The following SLC8A1 variants were observed in gnomAD, a reference collection of about 807,000 sequenced individuals.
The protein encoded by SLC8A1 is solute carrier family 8 member A1.
A neutral mutation model predicts 68.3 loss-of-function variants in SLC8A1; 18 were observed. The observed-to-expected ratio is 0.26, with a 90% CI of 0.18 to 0.39. The LOEUF (loss-of-function observed/expected upper bound fraction) is 0.39, where lower values mean the gene tolerates loss of function less well. SLC8A1 is among the 10% of genes least tolerant of loss of function. The pLI is 1.00. For missense variants in SLC8A1, 985 were observed against 1,156.7 expected (o/e 0.85, Z 2.15); for synonymous variants, 475 against 415.5 (o/e 1.14, Z -1.74).
At chr2:40,165,318 T>A (rs1443506529) in intron 4 of SLC8A1, among the ~76,000 whole-genome samples, 1 of 152,202 alleles carries the variant, frequency 6.6e-6, no homozygotes, top group Admixed American at 6.5e-5. Context: ...CCTGTGACGC[T>A]GGCTCAGTTG....
chr2:40,121,641 A>C (rs2036844046), intron 7 of SLC8A1, among the ~76,000 whole-genome samples: 1 of 152,144 alleles, frequency 6.6e-6, no homozygotes, highest in Non-Finnish European at 1.5e-5. Flanking sequence ...CCTACTTCAT[A>C]GGGTTTTGAA....
At chr2:40,409,456 T>G (rs1576236903) in intron 2 of SLC8A1, among the ~76,000 whole-genome samples, 1 of 152,130 alleles carries the variant, frequency 6.6e-6, no homozygotes, top group East Asian at 1.9e-4. Flanking sequence ...AGAAATAAAT[T>G]TGAACCCCCA....
In SLC8A1 at chr2:40,439,428, G is replaced by A. The variant is rs1039160533; in HGVS notation, c.-24-9124C>T. Reference sequence around the variant, plus strand: ...GCTCTTCAAATGACAAGTTCTTTAGGGGGCAGCCCCTACTCTTTTTCTTCA... The same window carrying A: ...GCTCTTCAAATGACAAGTTCTTTAGAGGGCAGCCCCTACTCTTTTTCTTCA... On this transcript the variant is annotated intron_variant, in intron 1 of 7. Transcript: ENST00000406785. Among the ~76,000 whole-genome samples the A allele has an allele frequency of 2.6e-5, 4 of 151,998 alleles. No individual in the cohort carries two copies. The South Asian group carries it at 8.3e-4, about 32-fold the overall frequency.
At chr2:40,508,780 C>T (rs1275477440) in intron 1 of SLC8A1, among the ~76,000 whole-genome samples, 1 of 152,034 alleles carries the variant, frequency 6.6e-6, no homozygotes, top group African/African-American at 2.4e-5. Context: ...TTTGTTAACT[C>T]CTCTTCTGAA....
chr2:40,342,162 T>C (rs528556043), intron 2 of SLC8A1, among the ~76,000 whole-genome samples: 55 of 152,240 alleles, frequency 3.6e-4, no homozygotes, highest in African/African-American at 1.3e-3. Flanking sequence ...TTTTGTCTAG[T>C]TGAAAAGATA....
At position 40,350,785 on chromosome 2, in the gene SLC8A1, T is replaced by A. The variant is rs543744326; in HGVS notation, c.1808+77688A>T. On this transcript the variant is annotated intron_variant, in intron 2 of 7. Transcript: ENST00000406785. ...AATCTATGGAGTATAAGCTGCCATT[T>A]TTTGAGTGCCTAGAATGAGCCAGAA... Among the ~76,000 whole-genome samples, 1,258 of 152,210 alleles carry A rather than the reference T, an allele frequency of 8.3e-3. 3 individuals are homozygous for A. The highest frequency in any genetic ancestry group is 0.013 in the Non-Finnish European group (892 of 68,014).
chr2:40,458,081 G>C (rs1247657490), intron 1 of SLC8A1, among the ~76,000 whole-genome samples: 1 of 152,192 alleles, frequency 6.6e-6, no homozygotes. Flanking sequence ...CTATGATTCA[G>C]CCAGGGCTGA....
intron 2 of SLC8A1, among the ~76,000 whole-genome samples, chr2:40,271,456 C>G (rs897986793): frequency 6.6e-5 from 10 of 152,180 alleles, no homozygotes; most frequent in Non-Finnish European, 1.0e-4. Context: ...ATTTCTCTGA[C>G]CACGCTCACT....
At chr2:40,435,547 G>T (rs891850496) in intron 1 of SLC8A1, among the ~76,000 whole-genome samples, 2 of 152,218 alleles carry the variant, frequency 1.3e-5, no homozygotes, top group Admixed American at 1.3e-4. Context: ...CACATCATAG[G>T]CTCAAGCCTT....
At chr2:40,179,649 A>G (rs544125693) in intron 2 of SLC8A1, among the ~76,000 whole-genome samples, 36 of 152,350 alleles carry the variant, frequency 2.4e-4, no homozygotes, top group African/African-American at 8.7e-4. Context: ...AGACAACGGA[A>G]TTTTAACAGC....
At chr2:40,439,902 G>A (rs1038520697) in intron 1 of SLC8A1, among the ~76,000 whole-genome samples, 1 of 152,134 alleles carries the variant, frequency 6.6e-6, no homozygotes, top group East Asian at 1.9e-4. Context: ...ATTTTCTAAA[G>A]TTCCTGACAA....
chr2:40,099,553 C>T (rs1456017191), exon 8 of SLC8A1: 1 of 151,966 alleles, frequency 6.6e-6, no homozygotes, highest in Non-Finnish European at 1.5e-5. Context: ...TTCTACCTGC[C>T]CCCTGTCAGT....
intron 2 of SLC8A1, among the ~76,000 whole-genome samples, chr2:40,189,409 C>T (rs2051320595): frequency 1.3e-5 from 2 of 152,332 alleles, no homozygotes; most frequent in African/African-American, 4.8e-5. Flanking sequence ...TAACCTCTGC[C>T]TCTCAGGTTC....
upstream of SLC8A1, among the ~76,000 whole-genome samples, chr2:40,452,644 A>C (rs868217402): frequency 6.6e-6 from 1 of 151,880 alleles, no homozygotes; most frequent in Middle Eastern, 3.4e-3. Flanking sequence ...TTTTAGCAAA[A>C]GGATCTGGGC....
chr2:40,364,493 C>A (rs56307146), intron 2 of SLC8A1, among the ~76,000 whole-genome samples: 15 of 118,536 alleles, frequency 1.3e-4, no homozygotes, highest in Non-Finnish European at 2.5e-4. Context: ...ACTTTACAAT[C>A]TAATAAAATT....
chr2:40,219,333 TG>T (rs2057972303), intron 2 of SLC8A1, among the ~76,000 whole-genome samples: 1 of 152,236 alleles, frequency 6.6e-6, no homozygotes, highest in African/African-American at 2.4e-5. Context: ...GGAGTAATTG[TG>T]GCAATTGCCT....
intron 2 of SLC8A1, among the ~76,000 whole-genome samples, chr2:40,308,285 G>C (rs2073037434): frequency 6.6e-6 from 1 of 152,192 alleles, no homozygotes; most frequent in East Asian, 1.9e-4. Context: ...TAATAGGATA[G>C]AGCCTTCAGA....
At chr2:40,117,655 T>G (rs1478924517) in intron 7 of SLC8A1, among the ~76,000 whole-genome samples, 1 of 152,138 alleles carries the variant, frequency 6.6e-6, no homozygotes, top group Non-Finnish European at 1.5e-5. Context: ...TTGAACTTAT[T>G]TCCAAAGCCA....
rs572258156 is a variant in SLC8A1, at chr2:40,350,587, C to CAAAAAAAAAAAAAAAA, written c.1808+77870_1808+77885dup. On this transcript the variant is annotated intron_variant, in intron 2 of 7. Transcript: ENST00000406785. ...ATTACTTCTCACGCACCCAGACAAG[C>CAAAAAAAAAAAAAAAA]AAAAAAAAAAAAAAAAAAAAAAAAA... Among the ~76,000 whole-genome samples the CAAAAAAAAAAAAAAAA allele has an allele frequency of 9.2e-5, 7 of 76,212 alleles. 1 individual carries two copies. Among genetic ancestry groups the CAAAAAAAAAAAAAAAA allele is most frequent in the Non-Finnish European group, 1.3e-4 (5 of 38,350 alleles). 50.0% of individuals were successfully genotyped at this position (76,212 alleles called of 152,430 possible).
Sources: gnomAD v4.1 joint callset for allele counts (sites outside exome capture counted in the v4.1 genomes callset) on GRCh38, gnomAD v4.1.1 for gene constraint, MANE v1.5 for transcripts, NCBI Gene and HGNC (gene_info 2026-07-23, HGNC 2026-07-21) for gene names.